The following GNAZ variants were observed in gnomAD, a reference collection of about 807,000 sequenced individuals.
GNAZ encodes the protein guanine nucleotide-binding protein G(z) subunit alpha.
In GNAZ, 3 loss-of-function variants were observed where a neutral mutation model predicts 25.4. That is an observed-to-expected ratio of 0.12 (90% CI 0.05 to 0.30). The LOEUF is 0.30. Ranked by LOEUF, GNAZ falls within the 10% of genes least tolerant of loss-of-function variation. The probability of loss-of-function intolerance (pLI) is 1.00; values close to 1 mark genes in which losing one functional copy is unlikely to be tolerated. For missense variants in GNAZ, 241 were observed against 501.8 expected, an observed-to-expected ratio of 0.48 and a Z score of 4.97; for synonymous variants, 211 against 205.7, an observed-to-expected ratio of 1.03 and a Z score of -0.22.
rs1452677603 is a variant in GNAZ at position 23,095,572 on chromosome 22, C to G, written c.-124C>G. The G allele has an allele frequency of 1.3e-5, 14 of 1,081,610 alleles. No homozygotes were observed. The highest frequency in any genetic ancestry group is 5.2e-5 in the East Asian group (2 of 38,784). 67.0% of individuals were successfully genotyped at this position (1,081,610 alleles called of 1,614,324 possible). Reference sequence around the variant, plus strand: ...CTGCAGTGTGGCTCGGCCTCACCCCCCTGCTGGCACTGAGTGCCTCCAGGG... The same window carrying G: ...CTGCAGTGTGGCTCGGCCTCACCCCGCTGCTGGCACTGAGTGCCTCCAGGG... On this transcript the variant is annotated 5_prime_UTR_variant, in exon 2 of 3. Transcript: ENST00000615612.
intron 1 of GNAZ, among the ~76,000 whole-genome samples, chr22:23,093,435 G>A (rs1020304383): frequency 5.3e-5 from 8 of 152,220 alleles, no homozygotes; most frequent in African/African-American, 1.9e-4. Context: ...ACGAGGCCAG[G>A]ACGGGCCCTC....
rs2070142919 is a variant in GNAZ at position 23,124,995 on chromosome 22, G to A, written c.*1564G>A. On this transcript the variant is annotated 3_prime_UTR_variant, in exon 3 of 3. Transcript: ENST00000615612. ...AGCTGGGGATTGGATGAAAGTCAAA[G>A]GTTGTCTACTTTAAGAAAATAAAAT... The A allele has an allele frequency of 1.3e-5, 2 of 152,278 alleles. No individual in the cohort carries two copies. Among genetic ancestry groups the A allele is most frequent in the East Asian group, 1.9e-4 (1 of 5,196 alleles). 9.4% of individuals were successfully genotyped at this position (152,278 alleles called of 1,614,324 possible). A position where few individuals can be genotyped will look rare whatever the true frequency, so the allele number is the denominator to read the frequency against.
chr22:23,098,834 G>A lies in GNAZ; in HGVS notation c.723+2416G>A, dbSNP rs553305956. Among the ~76,000 whole-genome samples, 5 of 152,338 alleles carry A rather than the reference G, an allele frequency of 3.3e-5. No homozygotes were observed. The South Asian group carries it at 6.2e-4, about 19-fold the overall frequency. On this transcript the variant is annotated intron_variant, in intron 2 of 2. Coordinates refer to ENST00000615612, the MANE Select transcript of GNAZ (RefSeq NM_002073.4). ...GTGAGCTGGCCCCCAGAGTGGTGCC[G>A]GCAGTGAGGACAGCCCGTCTCCAGC...
At chr22:23,078,696 C>T (rs962865909) in intron 1 of GNAZ, among the ~76,000 whole-genome samples, 26 of 152,218 alleles carry the variant, frequency 1.7e-4, no homozygotes, top group African/African-American at 6.3e-4. Flanking sequence ...GGGGATTATC[C>T]CCATCACTGG....
intron 1 of GNAZ, among the ~76,000 whole-genome samples, chr22:23,083,243 T>C (rs1457124658): frequency 2.0e-5 from 3 of 151,342 alleles, no homozygotes; most frequent in African/African-American, 7.3e-5. Context: ...CCTGGGGTAT[T>C]GGGGGTAGTA....
intron 2 of GNAZ, among the ~76,000 whole-genome samples, chr22:23,104,697 A>G (rs1240029608): frequency 6.6e-6 from 1 of 152,158 alleles, no homozygotes; most frequent in African/African-American, 2.4e-5. Flanking sequence ...GGGGATCCCT[A>G]GTAACCAGTG....
chr22:23,103,631 A>T (rs758880883), intron 2 of GNAZ, among the ~76,000 whole-genome samples: 1 of 151,662 alleles, frequency 6.6e-6, no homozygotes, highest in Non-Finnish European at 1.5e-5. Flanking sequence ...CACAGAGAGC[A>T]ACCTTGCATT....
rs760179159 is a variant in GNAZ, at chr22:23,095,911, C to T, written c.216C>T (p.Leu72=). 1 of 1,613,710 alleles carries T rather than the reference C, an allele frequency of 6.2e-7. No individual in the cohort carries two copies. Among genetic ancestry groups the T allele is most frequent in the Non-Finnish European group, 8.5e-7 (1 of 1,180,030 alleles). The change falls in exon 2 of 3, where the codon CTC becomes CTT. Residue 72 remains leucine (L), a synonymous_variant. Transcript: ENST00000615612. ...NLEACKEYKP[L]IIYNAIDSLT... is the part of the protein sequence containing the mutation. ...AGGCCTGCAAGGAGTACAAGCCCCT[C>T]ATCATCTACAATGCCATCGACTCGC...
chr22:23,081,603 T>C (rs1316767354), intron 1 of GNAZ, among the ~76,000 whole-genome samples: 1 of 151,252 alleles, frequency 6.6e-6, no homozygotes, highest in Non-Finnish European at 1.5e-5. Flanking sequence ...AGGTGGATCA[T>C]TTGAGGTCAG....
At chr22:23,094,669 C>G (rs989572113) in intron 1 of GNAZ, among the ~76,000 whole-genome samples, 5 of 152,256 alleles carry the variant, frequency 3.3e-5, no homozygotes, top group African/African-American at 9.6e-5. Flanking sequence ...CCACCTTGCT[C>G]TGGTCCCTGC....
chr22:23,097,142 C>T (rs2069147711), intron 2 of GNAZ, among the ~76,000 whole-genome samples: 2 of 152,174 alleles, frequency 1.3e-5, no homozygotes, highest in Non-Finnish European at 2.9e-5. Context: ...GATTTCAAGT[C>T]TGCCCTTAAG....
intron 2 of GNAZ, among the ~76,000 whole-genome samples, chr22:23,099,034 G>T (rs2069212189): frequency 6.6e-6 from 1 of 152,270 alleles, no homozygotes; most frequent in African/African-American, 2.4e-5. Context: ...CAGTGCCAGG[G>T]CTCTGGACAC....
At chr22:23,098,822 C>T (rs1451124444) in intron 2 of GNAZ, among the ~76,000 whole-genome samples, 2 of 152,242 alleles carry the variant, frequency 1.3e-5, no homozygotes, top group Non-Finnish European at 1.5e-5. Flanking sequence ...AGCTGGCCCC[C>T]AGAGTGGTGC....
In GNAZ at chr22:23,071,582, C is replaced by T. The variant is rs563697547; in HGVS notation, c.-450+1012C>T. Among the ~76,000 whole-genome samples the T allele has an allele frequency of 3.1e-4, 47 of 152,310 alleles. No homozygotes were observed. The highest frequency in any genetic ancestry group is 1.1e-3 in the African/African-American group (47 of 41,566). The stretch of plus-strand genomic sequence containing the variant: ...TAAGCAAATATTTATTGAGTGGTCA[C>T]TCCCCCAGAGCTTGACGCTGGGGTG... On this transcript the variant is annotated intron_variant, in intron 1 of 2. Transcript: ENST00000615612. This position sits in a 1 kb window ranked among gnomAD's most constrained non-coding sequence, Gnocchi z 4.1.
intron 2 of GNAZ, among the ~76,000 whole-genome samples, chr22:23,121,761 G>A (rs986405059): frequency 4.3e-5 from 6 of 140,450 alleles, no homozygotes; most frequent in Non-Finnish European, 9.1e-5. Context: ...TCGCTGCGTC[G>A]CCCAGACTGG....
At chr22:23,123,061 T>A in intron 2 of GNAZ, 26 bp from the exon 3 acceptor site, 1 of 1,516,444 alleles carries the variant, frequency 6.6e-7, no homozygotes, top group Non-Finnish European at 9.2e-7. Flanking sequence ...CGGGCCTGAT[T>A]AACGCCAGTA....
intron 2 of GNAZ, among the ~76,000 whole-genome samples, chr22:23,104,598 T>C (rs1252323689): frequency 1.3e-5 from 2 of 152,216 alleles, no homozygotes; most frequent in Admixed American, 6.5e-5. Context: ...TTAAGGGATT[T>C]GTATAATCCA....
intron 1 of GNAZ, among the ~76,000 whole-genome samples, chr22:23,072,565 T>C (rs1054372438): frequency 3.3e-5 from 5 of 152,230 alleles, no homozygotes; most frequent in Non-Finnish European, 7.3e-5. Context: ...TTGTTACTCA[T>C]CTTTGTAGTG....
At chr22:23,078,119 C>T (rs879467395) in intron 1 of GNAZ, among the ~76,000 whole-genome samples, 6 of 152,212 alleles carry the variant, frequency 3.9e-5, no homozygotes, top group Non-Finnish European at 8.8e-5. Context: ...GTGCGGGTGG[C>T]CTGTCTCCGA....
Sources: gnomAD v4.1 joint callset for allele counts (sites outside exome capture counted in the v4.1 genomes callset) on GRCh38, gnomAD v4.1.1 for gene constraint, Gnocchi (gnomAD v3.1) non-coding constraint, MANE v1.5 for transcripts, NCBI Gene and HGNC (gene_info 2026-07-23, HGNC 2026-07-21) for gene names.